Variants in SLIT3 observed in about 807,000 individuals in gnomAD.
SLIT3 encodes the protein slit homolog 3 protein.
A neutral mutation model predicts 184.0 loss-of-function variants in SLIT3; 68 were observed. The observed-to-expected ratio is 0.37, with a 90% CI of 0.30 to 0.45. The LOEUF (loss-of-function observed/expected upper bound fraction) is 0.45, where lower values mean the gene tolerates loss of function less well. Among genes scored for constraint, SLIT3 ranks in the 20% least tolerant of loss-of-function variants. The probability of loss-of-function intolerance (pLI) is 1.00; values close to 1 mark genes in which losing one functional copy is unlikely to be tolerated. For synonymous variants in SLIT3, 831 were observed against 828.6 expected (o/e 1.00, Z -0.05); for missense variants, 1,707 against 2,026.0 (o/e 0.84, Z 3.02).
chr5:168,890,035 G>A (rs1328096651), intron 4 of SLIT3, among the ~76,000 whole-genome samples: 1 of 151,028 alleles, frequency 6.6e-6, no homozygotes, highest in African/African-American at 2.4e-5. Context: ...CCCAGCTACT[G>A]AGGCTAAGGC....
intron 4 of SLIT3, among the ~76,000 whole-genome samples, chr5:169,031,596 T>G (rs902481681): frequency 6.6e-6 from 1 of 152,196 alleles, no homozygotes; most frequent in African/African-American, 2.4e-5. Flanking sequence ...CCGTCTGGCA[T>G]GATGCAGCAA....
chr5:168,711,153 C>G (rs998741881), intron 24 of SLIT3, 95 bp from the exon 25 acceptor site: 1 of 1,223,630 alleles, frequency 8.2e-7, no homozygotes, highest in African/African-American at 1.6e-5. Context: ...CAGACTTTGG[C>G]TAGACTGGAG....
At chr5:168,966,137 G>T (rs573155068) in intron 4 of SLIT3, among the ~76,000 whole-genome samples, 2 of 152,294 alleles carry the variant, frequency 1.3e-5, no homozygotes, top group African/African-American at 4.8e-5. Flanking sequence ...TGTGCCAGAT[G>T]TAAGAATTAA....
intron 4 of SLIT3, among the ~76,000 whole-genome samples, chr5:168,973,729 C>T (rs1754659714): frequency 1.3e-5 from 2 of 152,170 alleles, no homozygotes; most frequent in Non-Finnish European, 2.9e-5. Context: ...GCCACAAACT[C>T]CTATACCCTC....
intron 4 of SLIT3, among the ~76,000 whole-genome samples, chr5:168,934,003 T>C (rs1367740253): frequency 6.6e-6 from 1 of 152,192 alleles, no homozygotes; most frequent in Non-Finnish European, 1.5e-5. Context: ...CCTCCCTTTC[T>C]GACTGAGAGC....
At chr5:168,714,151 C>T (rs922582944) in intron 23 of SLIT3, among the ~76,000 whole-genome samples, 4 of 152,156 alleles carry the variant, frequency 2.6e-5, no homozygotes, top group Non-Finnish European at 2.9e-5. Context: ...CTCACCTCCC[C>T]GAGTAAGGAA....
At chr5:169,228,727 C>G (rs945872951) in intron 3 of SLIT3, among the ~76,000 whole-genome samples, 8 of 152,168 alleles carry the variant, frequency 5.3e-5, no homozygotes, top group African/African-American at 1.9e-4. Flanking sequence ...TTTTCCTGCT[C>G]TGAAAGCTCC....
At chr5:168,943,721 T>C (rs1173756217) in intron 4 of SLIT3, among the ~76,000 whole-genome samples, 1 of 152,236 alleles carries the variant, frequency 6.6e-6, no homozygotes, top group Non-Finnish European at 1.5e-5. Context: ...TGTGCACATA[T>C]ACACAGTTTA....
chr5:168,762,732 C>T, intron 14 of SLIT3, 43 bp from the exon 15 acceptor site: 1 of 1,600,648 alleles, frequency 6.2e-7, no homozygotes, highest in South Asian at 1.1e-5. Flanking sequence ...ACCCGAGTTC[C>T]ACGCACAGCC....
At chr5:168,876,612 T>G (rs1035783377) in intron 5 of SLIT3, among the ~76,000 whole-genome samples, 3 of 152,220 alleles carry the variant, frequency 2.0e-5, no homozygotes, top group African/African-American at 7.2e-5. Flanking sequence ...TGAACTCCTA[T>G]GCATCCTTCA....
intron 4 of SLIT3, among the ~76,000 whole-genome samples, chr5:168,988,929 G>A (rs1755223961): frequency 6.6e-6 from 1 of 152,190 alleles, no homozygotes; most frequent in African/African-American, 2.4e-5. Flanking sequence ...ACTGTTCACT[G>A]CAGAAAGTGA....
At chr5:169,140,368 C>T (rs1443499850) in intron 4 of SLIT3, among the ~76,000 whole-genome samples, 1 of 141,602 alleles carries the variant, frequency 7.1e-6, no homozygotes, top group Non-Finnish European at 1.5e-5. Context: ...GTAGTCCCAG[C>T]TACTCGGAGG....
At chr5:168,925,230 G>T (rs1458005592) in intron 4 of SLIT3, among the ~76,000 whole-genome samples, 1 of 152,182 alleles carries the variant, frequency 6.6e-6, no homozygotes, top group Non-Finnish European at 1.5e-5. Context: ...TGGGCTCGGG[G>T]AGCAGGTTCC....
chr5:168,735,871 C>T (rs1188583485), intron 20 of SLIT3, among the ~76,000 whole-genome samples: 1 of 152,140 alleles, frequency 6.6e-6, no homozygotes, highest in Middle Eastern at 3.2e-3. Flanking sequence ...TCTCCCTATA[C>T]CTACAAGAAC....
At chr5:168,877,785 C>A (rs1759788210) in intron 5 of SLIT3, among the ~76,000 whole-genome samples, 1 of 152,126 alleles carries the variant, frequency 6.6e-6, no homozygotes, top group Non-Finnish European at 1.5e-5. Context: ...GAATGCATGT[C>A]CTACACAGTC....
At chr5:169,157,604 C>A (rs1762350867) in intron 4 of SLIT3, among the ~76,000 whole-genome samples, 1 of 152,128 alleles carries the variant, frequency 6.6e-6, no homozygotes, top group Non-Finnish European at 1.5e-5. Context: ...ACAGAAGATT[C>A]AATAAGATCC....
chr5:169,165,027 G>A (rs1053305567), intron 4 of SLIT3, among the ~76,000 whole-genome samples: 20 of 152,172 alleles, frequency 1.3e-4, no homozygotes, highest in African/African-American at 4.1e-4. Flanking sequence ...ATGACCTCCC[G>A]GACTCTAGGG....
At chr5:169,193,153 C>T (rs574990730) in intron 4 of SLIT3, among the ~76,000 whole-genome samples, 2 of 152,274 alleles carry the variant, frequency 1.3e-5, no homozygotes, top group South Asian at 4.1e-4. Context: ...CTATCTCAAA[C>T]CCCACCTCAG....
chr5:168,861,812 A>G (rs1006286851), intron 5 of SLIT3, among the ~76,000 whole-genome samples: 2 of 152,228 alleles, frequency 1.3e-5, no homozygotes, highest in Non-Finnish European at 2.9e-5. Context: ...TCACTTTAAG[A>G]TGGCCAGAAC....
Sources: gnomAD v4.1 joint callset for allele counts (sites outside exome capture counted in the v4.1 genomes callset) on GRCh38, gnomAD v4.1.1 for gene constraint, MANE v1.5 for transcripts, NCBI Gene and HGNC (gene_info 2026-07-23, HGNC 2026-07-21) for gene names.